The following IGF2BP2 variants were observed in gnomAD, a reference collection of about 807,000 sequenced individuals.
IGF2BP2 encodes insulin-like growth factor 2 mRNA-binding protein 2.
IGF2BP2 carries 17 observed loss-of-function variants against 75.8 expected under a neutral mutation model. The ratio of observed to expected loss-of-function variants is 0.22; its 90% CI spans 0.15 to 0.34. The LOEUF is 0.34. Ranked by LOEUF, IGF2BP2 falls within the 10% of genes least tolerant of loss-of-function variation. The probability of loss-of-function intolerance (pLI) is 1.00; values close to 1 mark genes in which losing one functional copy is unlikely to be tolerated. For synonymous variants in IGF2BP2, 288 were observed against 295.6 expected (o/e 0.97, Z 0.26); for missense variants, 516 against 772.4 (o/e 0.67, Z 3.93).
intron 2 of IGF2BP2, among the ~76,000 whole-genome samples, chr3:185,774,226 G>A (rs545691641): frequency 2.0e-5 from 3 of 152,168 alleles, no homozygotes; most frequent in African/African-American, 4.8e-5. Flanking sequence ...CACAGGGCTT[G>A]CATGGTTTCA....
At chr3:185,681,343 CA>C in intron 7 of IGF2BP2, among the ~76,000 whole-genome samples, 1 of 152,098 alleles carries the variant, frequency 6.6e-6, no homozygotes, top group East Asian at 1.9e-4. Flanking sequence ...ACAATAGCAT[CA>C]AAAAGTATAG....
At chr3:185,778,655 TGGTTCTACA>T (rs1301503492) in intron 2 of IGF2BP2, among the ~76,000 whole-genome samples, 1 of 152,230 alleles carries the variant, frequency 6.6e-6, no homozygotes, top group Non-Finnish European at 1.5e-5. Flanking sequence ...TCTGGACACC[TGGTTCTACA>T]GGACTAGCTC....
chr3:185,680,576 T>C (rs1176315126), intron 7 of IGF2BP2, among the ~76,000 whole-genome samples: 1 of 152,206 alleles, frequency 6.6e-6, no homozygotes, highest in African/African-American at 2.4e-5. Context: ...GCAAATCAAA[T>C]TCAGCATATG....
intron 11 of IGF2BP2, among the ~76,000 whole-genome samples, chr3:185,657,960 G>T (rs887261247): frequency 6.6e-6 from 1 of 152,176 alleles, no homozygotes; most frequent in African/African-American, 2.4e-5. Flanking sequence ...GCTGCCAGGG[G>T]TCCTTGCAAG....
intron 9 of IGF2BP2, among the ~76,000 whole-genome samples, chr3:185,674,237 G>T (rs969492202): frequency 4.6e-5 from 7 of 152,182 alleles, no homozygotes; most frequent in African/African-American, 1.7e-4. Context: ...TCATCCAACA[G>T]GTATGGAAAG....
intron 2 of IGF2BP2, among the ~76,000 whole-genome samples, chr3:185,806,952 G>A (rs954109851): frequency 6.6e-6 from 1 of 152,022 alleles, no homozygotes; most frequent in African/African-American, 2.4e-5. Context: ...AGTAAATGGC[G>A]CATTTCTTAG....
intron 2 of IGF2BP2, among the ~76,000 whole-genome samples, chr3:185,811,819 C>T (rs1429337319): frequency 2.1e-5 from 3 of 141,816 alleles, no homozygotes; most frequent in African/African-American, 7.5e-5. Flanking sequence ...GGACGGTGCT[C>T]AGAGTAGGGT....
At chr3:185,658,209 G>A (rs1036116694) in intron 11 of IGF2BP2, 132 bp downstream of exon 11, 2 of 868,092 alleles carry the variant, frequency 2.3e-6, no homozygotes, top group African/African-American at 1.6e-5. Flanking sequence ...GCTTTGAGGT[G>A]TGTCACTCCC....
intron 9 of IGF2BP2, among the ~76,000 whole-genome samples, chr3:185,673,388 C>G (rs994632481): frequency 6.6e-6 from 1 of 152,246 alleles, no homozygotes; most frequent in African/African-American, 2.4e-5. Flanking sequence ...ATGGAGAGAT[C>G]AGATTCTTCA....
intron 2 of IGF2BP2, chr3:185,722,515 C>T (rs567246747): frequency 2.8e-5 from 8 of 288,828 alleles, no homozygotes; most frequent in South Asian, 1.1e-4. Context: ...TTTCTGGAGG[C>T]GGTACAGTGA....
Position 185,645,234 on chromosome 3 carries a change from T to C in IGF2BP2, c.*297A>G. 2.2e-6 allele frequency: 1 copy of C among 451,244 alleles called. No individual in the cohort carries two copies. The allele number at this position is 451,244 out of a possible 1,614,324, so 28.0% of individuals were successfully genotyped here. On this transcript the variant is annotated 3_prime_UTR_variant, in exon 16 of 16. Coordinates refer to ENST00000382199, the MANE Select transcript of IGF2BP2 (RefSeq NM_006548.6). The surrounding 1 kb of genome is among the most constrained non-coding windows in gnomAD (Gnocchi z 4.9). ...AGTTCAACTAAAAGGGATAGCGTCG[T>C]GGGAGTTCAGGAGAGATCCGAGTGG...
chr3:185,703,552 T>A (rs570979698), intron 2 of IGF2BP2, among the ~76,000 whole-genome samples: 1 of 152,098 alleles, frequency 6.6e-6, no homozygotes, highest in African/African-American at 2.4e-5. Context: ...GATGGATCAC[T>A]TGAGGTCAGG....
chr3:185,818,314 C>T (rs1226602793), intron 2 of IGF2BP2, among the ~76,000 whole-genome samples: 2 of 152,170 alleles, frequency 1.3e-5, no homozygotes, highest in African/African-American at 4.8e-5. Context: ...AGATGCTGCA[C>T]TGATGGTCCT....
At chr3:185,805,276 A>G (rs1738860747) in intron 2 of IGF2BP2, among the ~76,000 whole-genome samples, 1 of 152,092 alleles carries the variant, frequency 6.6e-6, no homozygotes, top group Admixed American at 6.5e-5. Flanking sequence ...CCCTCAGAGG[A>G]GTGTGGTGCT....
intron 2 of IGF2BP2, among the ~76,000 whole-genome samples, chr3:185,818,538 T>A (rs1740901514): frequency 6.6e-6 from 1 of 152,186 alleles, no homozygotes; most frequent in African/African-American, 2.4e-5. Context: ...TCCTGCTGCC[T>A]CTTCATACCA....
At chr3:185,689,001 C>T (rs1202070837) in intron 6 of IGF2BP2, 1 of 194,214 alleles carries the variant, frequency 5.1e-6, no homozygotes, top group East Asian at 1.4e-4. Context: ...AGGGCTCTGA[C>T]TCAGGGGAAG....
intron 2 of IGF2BP2, among the ~76,000 whole-genome samples, chr3:185,700,810 CCAA>C (rs1311918786): frequency 1.3e-5 from 2 of 151,920 alleles, no homozygotes; most frequent in South Asian, 2.1e-4. Flanking sequence ...TAAATATTTA[CCAA>C]CGAGAGATGA....
At chr3:185,796,276 G>A (rs1037059807) in intron 2 of IGF2BP2, among the ~76,000 whole-genome samples, 3 of 151,888 alleles carry the variant, frequency 2.0e-5, no homozygotes, top group African/African-American at 7.3e-5. Flanking sequence ...AGAGCTCCAG[G>A]GATAGGCGGG....
rs114260391 is a variant in IGF2BP2, at chr3:185,705,119, C to T, written c.240-6772G>A. ...TGCTGCAAAGGGCTCCCCCGCAAGACGCAGTCTTGCTCTGTTGCCCAGGCT... is the reference window on the plus strand; with the variant it reads ...TGCTGCAAAGGGCTCCCCCGCAAGATGCAGTCTTGCTCTGTTGCCCAGGCT... On this transcript the variant is annotated intron_variant, in intron 2 of 15. Coordinates refer to ENST00000382199, the MANE Select transcript of IGF2BP2 (RefSeq NM_006548.6). Among the ~76,000 whole-genome samples the T allele has an allele frequency of 8.6e-3, 1,307 of 152,318 alleles. 7 individuals are homozygous for T. The highest frequency in any genetic ancestry group is 0.013 in the Non-Finnish European group (915 of 68,030).
Sources: gnomAD v4.1 joint callset for allele counts (sites outside exome capture counted in the v4.1 genomes callset) on GRCh38, gnomAD v4.1.1 for gene constraint, Gnocchi (gnomAD v3.1) non-coding constraint, MANE v1.5 for transcripts, NCBI Gene and HGNC (gene_info 2026-07-23, HGNC 2026-07-21) for gene names.